CNGB3: variants seen among roughly 807,000 people sequenced by gnomAD.
CNGB3 encodes the protein cyclic nucleotide-gated channel beta-3.
A neutral mutation model predicts 92.8 loss-of-function variants in CNGB3; 86 were observed. That is an observed-to-expected ratio of 0.93 (90% confidence interval 0.78 to 1.11). The LOEUF (loss-of-function observed/expected upper bound fraction) is 1.11. Among genes scored for constraint, CNGB3 ranks in the 50% least tolerant of loss-of-function variants. The pLI, the probability that CNGB3 is intolerant of heterozygous loss-of-function variation, is 0.00. For missense variants in CNGB3, 1,026 were observed against 956.8 expected (o/e 1.07, Z -0.95); for synonymous variants, 333 against 332.7 (o/e 1.00, Z -0.01).
chr8:86,681,663 C>T (rs1045491432), intron 3 of CNGB3, among the ~76,000 whole-genome samples: 4 of 152,106 alleles, frequency 2.6e-5, no homozygotes, highest in African/African-American at 9.7e-5. Context: ...ACCTGGCACA[C>T]TGTCAGAAAT....
intron 3 of CNGB3, among the ~76,000 whole-genome samples, chr8:86,709,669 G>A (rs1824713890): frequency 6.6e-6 from 1 of 152,002 alleles, no homozygotes; most frequent in Non-Finnish European, 1.5e-5. Flanking sequence ...ACAACAAACT[G>A]TCCTGATACT....
intron 3 of CNGB3, among the ~76,000 whole-genome samples, chr8:86,694,068 G>A (rs1824379222): frequency 5.3e-5 from 1 of 18,848 alleles, no homozygotes; most frequent in Non-Finnish European, 1.0e-4. Flanking sequence ...GGCTGGCCGG[G>A]CGGGGGGGCT....
chr8:86,691,188 G>A (rs1260327252), intron 3 of CNGB3, among the ~76,000 whole-genome samples: 2 of 152,142 alleles, frequency 1.3e-5, no homozygotes, highest in African/African-American at 2.4e-5. Flanking sequence ...TGGTGTTGGT[G>A]TATAGCAGTG....
At chr8:86,721,137 T>C (rs1472027219) in intron 3 of CNGB3, among the ~76,000 whole-genome samples, 1 of 151,896 alleles carries the variant, frequency 6.6e-6, no homozygotes, top group East Asian at 1.9e-4. Flanking sequence ...AGCTAATTTT[T>C]GTATTTTTAG....
intron 2 of CNGB3, among the ~76,000 whole-genome samples, chr8:86,738,902 A>C (rs1172959432): frequency 2.0e-5 from 3 of 151,948 alleles, no homozygotes; most frequent in African/African-American, 7.3e-5. Flanking sequence ...TTGGTGACTA[A>C]TTTACTTTAC....
intron 10 of CNGB3, among the ~76,000 whole-genome samples, chr8:86,638,253 T>C (rs1823112733): frequency 6.6e-6 from 1 of 152,168 alleles, no homozygotes; most frequent in Admixed American, 6.6e-5. Flanking sequence ...ATTGGAATTT[T>C]TGAGTTGTAG....
At chr8:86,626,190 T>G in intron 12 of CNGB3, 110 bp from the exon 13 acceptor site, 1 of 776,472 alleles carries the variant, frequency 1.3e-6, no homozygotes, top group South Asian at 1.5e-5. Context: ...TGCAAACACT[T>G]TTTATACATA....
At chr8:86,649,051 A>T (rs943870198) in intron 7 of CNGB3, among the ~76,000 whole-genome samples, 1 of 151,498 alleles carries the variant, frequency 6.6e-6, no homozygotes, top group Admixed American at 6.6e-5. Flanking sequence ...CAGGAACTCA[A>T]TCCCTTTACA....
intron 2 of CNGB3, among the ~76,000 whole-genome samples, chr8:86,728,914 A>C (rs1314770088): frequency 6.6e-6 from 1 of 152,078 alleles, no homozygotes; most frequent in African/African-American, 2.4e-5. Flanking sequence ...TTTATTGGCT[A>C]TGGGTTTTTG....
chr8:86,694,201 C>A (rs1275472044), intron 3 of CNGB3, among the ~76,000 whole-genome samples: 2 of 141,014 alleles, frequency 1.4e-5, no homozygotes, highest in Non-Finnish European at 3.1e-5. Context: ...CCCTCCCGGA[C>A]GGGGCGGCTG....
intron 6 of CNGB3, chr8:86,659,622 C>T (rs977687016): frequency 1.9e-6 from 1 of 526,554 alleles, no homozygotes; most frequent in Non-Finnish European, 3.8e-6. Context: ...CCCACACGCG[C>T]CAGGAATACT....
At chr8:86,679,096 T>C (rs1563751813) in intron 3 of CNGB3, among the ~76,000 whole-genome samples, 1 of 152,120 alleles carries the variant, frequency 6.6e-6, no homozygotes, top group Non-Finnish European at 1.5e-5. Flanking sequence ...AATTGGTGTC[T>C]TGGGGAAGTT....
chr8:86,616,590 TG>T (rs1822627155), intron 13 of CNGB3, among the ~76,000 whole-genome samples: 1 of 152,192 alleles, frequency 6.6e-6, no homozygotes, highest in Non-Finnish European at 1.5e-5. Flanking sequence ...GGAAATTTTC[TG>T]ATGTATGAAA....
In CNGB3 at chr8:86,664,808, G is replaced by A. The variant is rs371696976; in HGVS notation, c.852+2117C>T. On this transcript the variant is annotated intron_variant, in intron 6 of 17. Coordinates refer to ENST00000320005, the MANE Select transcript of CNGB3 (RefSeq NM_019098.5). ...CAAAACACCAGTGGAGGTGTTCTAC[G>A]TACTTGTGATTTGCCCATATCTGTG... 5.9e-5 allele frequency among the ~76,000 whole-genome samples: 9 copies of A among 152,068 alleles called. No homozygotes were observed. The East Asian group carries it at 1.2e-3, about 20-fold the overall frequency.
At position 86,667,127 on chromosome 8, in the gene CNGB3, A is replaced by G; in HGVS notation, c.650T>C (p.Leu217Pro). Residue 217 changes from leucine (L) to proline (P), a missense_variant, in exon 6 of 18, where the codon CTC becomes CCC. Coordinates refer to ENST00000320005, the MANE Select transcript of CNGB3 (RefSeq NM_019098.5). ...GACAAGCAAGAGCCACAGGAGATAG[A>G]GTCGATCTGGAAAAACAGCAAGTGG... ...PNSIDSYTDR[L>P]YLLWLLLVTL... 2.5e-6 allele frequency: 4 copies of G among 1,613,878 alleles called. No homozygotes were observed. In the South Asian group the frequency reaches 4.4e-5, roughly 18 times the overall value.
intron 14 of CNGB3, among the ~76,000 whole-genome samples, chr8:86,605,806 A>G (rs550205469): frequency 1.3e-5 from 2 of 152,244 alleles, no homozygotes; most frequent in South Asian, 4.1e-4. Flanking sequence ...CCTTACACCT[A>G]GGTTTATTTT....
chr8:86,594,089 G>A, intron 15 of CNGB3: 1 of 317,074 alleles, frequency 3.2e-6, no homozygotes, highest in Non-Finnish European at 6.3e-6. Flanking sequence ...CCAGGATCCT[G>A]GAGGTCGGGA....
intron 3 of CNGB3, among the ~76,000 whole-genome samples, chr8:86,676,727 A>C (rs1213391802): frequency 6.6e-6 from 1 of 152,104 alleles, no homozygotes; most frequent in Non-Finnish European, 1.5e-5. Context: ...ATGTGACCTT[A>C]TTTTAAAATC....
intron 14 of CNGB3, among the ~76,000 whole-genome samples, chr8:86,606,322 T>C (rs1822411532): frequency 6.6e-6 from 1 of 151,948 alleles, no homozygotes; most frequent in South Asian, 2.1e-4. Flanking sequence ...GGCTAATTTT[T>C]GTATTTATTG....
Sources: allele counts gnomAD v4.1 joint callset (sites outside exome capture counted in the v4.1 genomes callset), GRCh38; gene constraint gnomAD v4.1.1; transcripts MANE v1.5; gene names NCBI Gene and HGNC (gene_info 2026-07-23, HGNC 2026-07-21).